SLC26A4: variants seen among roughly 807,000 people sequenced by gnomAD.
SLC26A4 encodes the protein pendrin.
Under a neutral mutation model 90.4 loss-of-function variants are expected in SLC26A4, and 93 were observed. The observed-to-expected ratio is 1.03, with a 90% CI of 0.87 to 1.22. The LOEUF is 1.22. SLC26A4 is among the 50% of genes most tolerant of loss of function. SLC26A4 has a pLI of 0.00. For synonymous variants in SLC26A4, 393 were observed against 354.6 expected (o/e 1.11, Z -1.22); for missense variants, 1,127 against 946.2 (o/e 1.19, Z -2.51).
At position 107,675,076 on chromosome 7, in the gene SLC26A4, CA is replaced by C. The variant is rs918684449; in HGVS notation, c.737del (p.Asn246ThrfsTer43). On this transcript the variant is annotated frameshift_variant, in exon 6 of 21. Coordinates refer to ENST00000644269, the MANE Select transcript of SLC26A4 (RefSeq NM_000441.2). LOFTEE classifies it high-confidence loss of function. ...TAAAGATTGTCCTCAATGTTTCAAC[CA>C]AAAACTACAATGGAGTTCTCTCTAT... ...QLKIVLNVST[K>X]NYNGVLSIIY... is the part of the protein sequence containing the mutation. 7 of 1,613,824 alleles carry C rather than the reference CA, an allele frequency of 4.3e-6. No individual in the cohort carries two copies. The African/African-American group carries it at 9.3e-5, about 22-fold the overall frequency.
rs773602319 is a variant in SLC26A4 at position 107,675,022 on chromosome 7, T to C, written c.678T>C (p.Ala226=). Residue 226 remains alanine, a synonymous_variant, in exon 6 of 21, where the codon GCT becomes GCC. Transcript: ENST00000644269. The part of the protein sequence containing the change: ...ADPLVGGFTT[A]AAFQVLVSQL... ...CTTTGGTTGGTGGCTTCACAACAGC[T>C]GCTGCCTTCCAAGTGCTGGTCTCAC... 15 of 1,613,904 alleles carry C rather than the reference T, an allele frequency of 9.3e-6. No individual in the cohort carries two copies. In the East Asian group the frequency reaches 3.1e-4, roughly 34 times the overall value.
Position 107,712,521 on chromosome 7 carries a change from T to C in SLC26A4, c.2236-18T>C. ...GGTTGATGCTATTCTATTTCTACCC[T>C]GTGTTCTCTTTTTCAAGATCACTCT... On this transcript the variant is annotated intron_variant, in intron 19 of 20. Coordinates refer to ENST00000644269, the MANE Select transcript of SLC26A4 (RefSeq NM_000441.2). 3 of 1,309,344 alleles carry C rather than the reference T, an allele frequency of 2.3e-6. No homozygotes were observed. The highest frequency in any genetic ancestry group is 2.2e-6 in the Non-Finnish European group (2 of 902,096). 81.1% of individuals were successfully genotyped at this position (1,309,344 alleles called of 1,614,324 possible). A position where few individuals can be genotyped will look rare whatever the true frequency, so the allele number is the denominator to read the frequency against.
chr7:107,686,454 TTTTC>T (rs1791422336), intron 8 of SLC26A4, among the ~76,000 whole-genome samples: 1 of 44,228 alleles, frequency 2.3e-5, no homozygotes, highest in Non-Finnish European at 4.6e-5. Flanking sequence ...TCTTTCTTTC[TTTTC>T]TTTCTTTCCT....
Position 107,716,018 on chromosome 7 carries a change from T to C in SLC26A4, c.*572T>C, listed in dbSNP as rs1318647459. On this transcript the variant is annotated 3_prime_UTR_variant, in exon 21 of 21. Transcript: ENST00000644269. ...AAGTGTTATTACATATAGCCGGAAT[T>C]GAGGATCTCTTTGATCCTGGAAATG... The C allele has an allele frequency of 6.6e-6, 1 of 152,456 alleles. No homozygotes were observed. The highest frequency in any genetic ancestry group is 1.5e-5 in the Non-Finnish European group (1 of 68,214). 9.4% of individuals were successfully genotyped at this position (152,456 alleles called of 1,614,324 possible). A position where few individuals can be genotyped will look rare whatever the true frequency, so the allele number is the denominator to read the frequency against.
chr7:107,667,461 T>TGAA (rs1790748092), intron 3 of SLC26A4, among the ~76,000 whole-genome samples: 1 of 39,258 alleles, frequency 2.5e-5, no homozygotes, highest in Admixed American at 4.9e-4. Flanking sequence ...AGAGAAGGTT[T>TGAA]AAAAAAAAAA....
At position 107,703,658 on chromosome 7, in the gene SLC26A4, T is replaced by G. The variant is rs986203396; in HGVS notation, c.2035-673T>G. Among the ~76,000 whole-genome samples the G allele has an allele frequency of 1.3e-5, 2 of 152,334 alleles. 1 individual carries two copies. Among genetic ancestry groups the G allele is most frequent in the Admixed American group, 1.3e-4 (2 of 15,290 alleles). On this transcript the variant is annotated intron_variant, in intron 17 of 20. Transcript: ENST00000644269. ...ATTTCCCACACAACGAATATTTACT[T>G]TCAAATATTATAATGACAGTTATGA...
intron 4 of SLC26A4, among the ~76,000 whole-genome samples, chr7:107,673,542 A>C (rs1790930791): frequency 6.6e-6 from 1 of 152,158 alleles, no homozygotes; most frequent in Non-Finnish European, 1.5e-5. Flanking sequence ...CCTTTGCCAG[A>C]AAACCTTTCC....
Position 107,698,023 on chromosome 7 carries a change from T to C in SLC26A4, c.1545-19T>C. Reference sequence around the variant, plus strand: ...ACGGCTGTTCCAAAAAATCTTGACCTTGATATTTTTTCTTCTAGTCCTTCT... The same window carrying C: ...ACGGCTGTTCCAAAAAATCTTGACCCTGATATTTTTTCTTCTAGTCCTTCT... On this transcript the variant is annotated intron_variant, in intron 13 of 20. Transcript: ENST00000644269. 6.4e-7 allele frequency: 1 copy of C among 1,557,218 alleles called. No homozygotes were observed. Among genetic ancestry groups the C allele is most frequent in the Non-Finnish European group, 8.9e-7 (1 of 1,128,224 alleles).
chr7:107,687,605 C>A (rs1791454634), intron 8 of SLC26A4, among the ~76,000 whole-genome samples: 1 of 152,102 alleles, frequency 6.6e-6, no homozygotes, highest in South Asian at 2.1e-4. Context: ...TGATTCTGGT[C>A]CTTTGACTTA....
rs2248464 is a variant in SLC26A4, at chr7:107,663,177, A to T, written c.165-119A>T. 0.75 allele frequency: 879,976 copies of T among 1,176,438 alleles called. 329,679 individuals are homozygous for T. The highest frequency in any genetic ancestry group is 0.84 in the South Asian group (67,975 of 80,954). 72.9% of individuals were successfully genotyped at this position (1,176,438 alleles called of 1,614,324 possible). The stretch of plus-strand genomic sequence containing the variant: ...TCAGGGTTATTATTTTCCAGGAAAT[A>T]CTTATCCTTTTTCCAAATAGTTATA... On this transcript the variant is annotated intron_variant, in intron 2 of 20. Coordinates refer to ENST00000644269, the MANE Select transcript of SLC26A4 (RefSeq NM_000441.2).
At chr7:107,705,175 G>C (rs1792007971) in intron 18 of SLC26A4, among the ~76,000 whole-genome samples, 2 of 152,110 alleles carry the variant, frequency 1.3e-5, no homozygotes, top group African/African-American at 2.4e-5. Context: ...TCCCCGTTTT[G>C]ATCAGGCTCT....
At chr7:107,706,804 C>T (rs116776076) in intron 18 of SLC26A4, among the ~76,000 whole-genome samples, 2,177 of 152,228 alleles carry the variant, frequency 0.014, 40 homozygotes, top group African/African-American at 0.05. Flanking sequence ...AGAATACTCA[C>T]AAAGAGTTTC....
intron 19 of SLC26A4, among the ~76,000 whole-genome samples, chr7:107,711,496 T>A (rs1487218013): frequency 6.6e-6 from 1 of 152,152 alleles, no homozygotes; most frequent in Admixed American, 6.5e-5. Flanking sequence ...TGGGATGGAT[T>A]TTTTTGGACC....
chr7:107,696,482 C>G (rs192915701), intron 13 of SLC26A4, among the ~76,000 whole-genome samples: 2 of 152,158 alleles, frequency 1.3e-5, no homozygotes, highest in Admixed American at 1.3e-4. Context: ...AGGCTTGGGA[C>G]AAGACAGCTG....
chr7:107,666,629 G>GA lies in SLC26A4; in HGVS notation c.304+3201dup, dbSNP rs1048751348. Among the ~76,000 whole-genome samples the GA allele has an allele frequency of 3.9e-5, 6 of 152,038 alleles. No homozygotes were observed. In the East Asian group the frequency reaches 5.8e-4, roughly 15 times the overall value. ...GAAGGAGACAGCCATGTGATAAGCA[G>GA]AAAAAAAGAGTGTACCAGGTAAAGG... On this transcript the variant is annotated intron_variant, in intron 3 of 20. Coordinates refer to ENST00000644269, the MANE Select transcript of SLC26A4 (RefSeq NM_000441.2).
At chr7:107,715,391 A>G in intron 20 of SLC26A4, 32 bp from the exon 21 acceptor site, 2 of 1,598,252 alleles carry the variant, frequency 1.3e-6, no homozygotes, top group Non-Finnish European at 1.7e-6. Context: ...ATTCAGTTGT[A>G]TCAACACTTT....
chr7:107,686,921 T>C (rs1475809261), intron 8 of SLC26A4, among the ~76,000 whole-genome samples: 1 of 152,158 alleles, frequency 6.6e-6, no homozygotes, highest in East Asian at 1.9e-4. Flanking sequence ...TACTTGAAAG[T>C]GTGGCACAGG....
At chr7:107,666,159 T>C (rs1790706371) in intron 3 of SLC26A4, among the ~76,000 whole-genome samples, 1 of 152,188 alleles carries the variant, frequency 6.6e-6, no homozygotes, top group Non-Finnish European at 1.5e-5. Context: ...TAATTATAGA[T>C]TGCAATATCT....
In SLC26A4 at chr7:107,663,342, A is replaced by G. The variant is rs143346876; in HGVS notation, c.211A>G (p.Ile71Val). 1.9e-6 allele frequency: 3 copies of G among 1,614,012 alleles called. No homozygotes were observed. Among genetic ancestry groups the G allele is most frequent in the African/African-American group, 2.7e-5 (2 of 74,918 alleles). Residue 71 changes from isoleucine (I) to valine (V), a missense_variant, in exon 3 of 21, where the codon ATC becomes GTC. By Grantham distance (29) the Ile-to-Val change is conservative (BLOSUM62 3). Transcript: ENST00000644269. Reference sequence around the variant, plus strand: ...TGGTGTGCTAAAGACTCTTGTGCCCATCTTGGAGTGGCTCCCCAAATACCG... The same window carrying G: ...TGGTGTGCTAAAGACTCTTGTGCCCGTCTTGGAGTGGCTCCCCAAATACCG... The part of the protein sequence containing the change: ...AFGVLKTLVP[I>V]LEWLPKYRVK...
Sources: gnomAD v4.1 joint callset for allele counts (sites outside exome capture counted in the v4.1 genomes callset) on GRCh38, gnomAD v4.1.1 for gene constraint, MANE v1.5 for transcripts, NCBI Gene and HGNC (gene_info 2026-07-23, HGNC 2026-07-21) for gene names.